Variants in NSD2 observed in about 807,000 individuals in gnomAD.
The protein encoded by NSD2 is histone-lysine N-methyltransferase NSD2.
A neutral mutation model predicts 139.0 loss-of-function variants in NSD2; 12 were observed. That is an observed-to-expected ratio of 0.09 (90% CI 0.06 to 0.14). The LOEUF is 0.14. NSD2 is among the 10% of genes least tolerant of loss of function. The pLI, the probability that NSD2 is intolerant of heterozygous loss-of-function variation, is 1.00. For missense variants in NSD2, 1,155 were observed against 1,745.0 expected, an observed-to-expected ratio of 0.66 and a Z score of 6.02; for synonymous variants, 669 against 648.7, an observed-to-expected ratio of 1.03 and a Z score of -0.48.
chr4:1,951,744 A>G (rs1156782832), intron 10 of NSD2, among the ~76,000 whole-genome samples: 3 of 151,526 alleles, frequency 2.0e-5, no homozygotes, highest in African/African-American at 7.3e-5. Context: ...ATGCATGGGA[A>G]GTGTGAATAC....
chr4:1,908,687 A>C (rs1317013697), intron 3 of NSD2, among the ~76,000 whole-genome samples: 2 of 152,190 alleles, frequency 1.3e-5, no homozygotes, highest in Non-Finnish European at 2.9e-5. Flanking sequence ...GATGACCACC[A>C]GAGCTCTCTG....
chr4:1,933,582 G>T (rs1437770401), intron 6 of NSD2, among the ~76,000 whole-genome samples: 1 of 151,744 alleles, frequency 6.6e-6, no homozygotes, highest in Admixed American at 6.6e-5. Context: ...TTTTAGTAGA[G>T]ACGGGGTTTC....
chr4:1,960,890 A>G (rs1725297576), intron 17 of NSD2, 145 bp from the exon 18 acceptor site: 6 of 587,648 alleles, frequency 1.0e-5, no homozygotes, highest in African/African-American at 1.8e-5. Context: ...AATTTAATTT[A>G]TGGAGACTTT....
intron 9 of NSD2, among the ~76,000 whole-genome samples, chr4:1,950,627 A>G (rs559665497): frequency 1.3e-5 from 2 of 152,338 alleles, no homozygotes; most frequent in South Asian, 2.1e-4. Flanking sequence ...TGAGGCTGAC[A>G]CTTACTTCAT....
intron 3 of NSD2, among the ~76,000 whole-genome samples, chr4:1,915,872 C>G (rs1010854717): frequency 1.3e-5 from 2 of 152,172 alleles, no homozygotes; most frequent in African/African-American, 4.8e-5. Flanking sequence ...CACCCTGTGC[C>G]AGGGAGATCC....
intron 18 of NSD2, among the ~76,000 whole-genome samples, chr4:1,966,599 G>A (rs1278927420): frequency 6.6e-6 from 1 of 151,194 alleles, no homozygotes; most frequent in African/African-American, 2.4e-5. Context: ...GGAACTTGCA[G>A]TGAGCCAAGA....
At chr4:1,938,401 C>CT (rs372125946) in intron 7 of NSD2, 50 bp from the exon 8 acceptor site, 9,392 of 861,126 alleles carry the variant, frequency 0.011, 4 homozygotes, top group African/African-American at 0.019. Context: ...TTTTTCTTTT[C>CT]TTTTTTTTTT....
chr4:1,918,530 T>A lies in NSD2; in HGVS notation c.1317T>A (p.Pro439=), dbSNP rs530429234. The A allele has an allele frequency of 1.2e-6, 2 of 1,613,890 alleles. No individual in the cohort carries two copies. The highest frequency in any genetic ancestry group is 3.3e-5 in the Admixed American group (2 of 59,984). The change falls in exon 5 of 22, where the codon CCT becomes CCA. Residue 439 remains proline (P), a synonymous_variant. Transcript: ENST00000508803. ...ADPRRGVGSP[P]GRKKTTVSMP... is the part of the protein sequence containing the mutation. ...CCAGAAGAGGAGTAGGGTCTCCTCC[T>A]GGGAGGAAGAAGACCACAGTCTCCA...
chr4:1,945,248 A>G (rs1723498720), intron 9 of NSD2: 1 of 1,066,754 alleles, frequency 9.4e-7, no homozygotes, highest in Non-Finnish European at 1.1e-6. Context: ...GGAGATGGGC[A>G]TTTGGAGAGT....
At chr4:1,874,705 A>G (rs1466666218) in intron 1 of NSD2, among the ~76,000 whole-genome samples, 1 of 152,216 alleles carries the variant, frequency 6.6e-6, no homozygotes, top group East Asian at 1.9e-4. Flanking sequence ...ACAGATCTGT[A>G]CTACCACCAA....
Position 1,952,103 on chromosome 4 carries a change from C to A in NSD2, c.2014-5C>A. ...GCTGCTTACCCGCCTGCTCTGCCCC[C>A]GCAGCTGTGTGAGAAGCCGGGCAGC... On this transcript the variant is annotated splice_polypyrimidine_tract_variant and splice_region_variant and intron_variant, in intron 10 of 21. Transcript: ENST00000508803. 6.2e-7 allele frequency: 1 copy of A among 1,613,772 alleles called. No individual in the cohort carries two copies. Among genetic ancestry groups the A allele is most frequent in the Non-Finnish European group, 8.5e-7 (1 of 1,179,840 alleles).
intron 18 of NSD2, among the ~76,000 whole-genome samples, chr4:1,967,395 T>C (rs945943657): frequency 2.0e-5 from 3 of 152,138 alleles, no homozygotes; most frequent in Middle Eastern, 3.4e-3. Flanking sequence ...CTGGCCAATA[T>C]GGTGAAACCC....
intron 1 of NSD2, among the ~76,000 whole-genome samples, chr4:1,891,740 C>T (rs867645322): frequency 6.6e-5 from 10 of 151,612 alleles, no homozygotes; most frequent in African/African-American, 1.9e-4. Flanking sequence ...ACCTGTAGTT[C>T]CAGCTACTCG....
chr4:1,874,895 T>TG (rs1372187834), intron 1 of NSD2, among the ~76,000 whole-genome samples: 2 of 152,208 alleles, frequency 1.3e-5, no homozygotes. Flanking sequence ...GCGAGTACTT[T>TG]GGGGGAGAAA....
At chr4:1,944,463 C>T (rs981898399) in intron 9 of NSD2, 22 of 1,065,236 alleles carry the variant, frequency 2.1e-5, no homozygotes, top group Non-Finnish European at 2.2e-5. Flanking sequence ...GTTTGTCATA[C>T]ATGGAACCAT....
intron 7 of NSD2, 102 bp downstream of exon 7, chr4:1,935,364 A>C: frequency 1.2e-6 from 1 of 823,956 alleles, no homozygotes; most frequent in East Asian, 2.6e-5. Context: ...TGCAGGTGTC[A>C]GTGCACCCAG....
chr4:1,875,280 CTTTTTT>C (rs749123768), intron 1 of NSD2, among the ~76,000 whole-genome samples: 1 of 126,622 alleles, frequency 7.9e-6, no homozygotes. Context: ...TAGCTTTTTA[CTTTTTT>C]TTTTTTTTTT....
chr4:1,878,488 A>G (rs900824299), intron 1 of NSD2, among the ~76,000 whole-genome samples: 8 of 151,562 alleles, frequency 5.3e-5, no homozygotes, highest in African/African-American at 1.9e-4. Flanking sequence ...CATACCTCCA[A>G]CATTCCATGT....
intron 9 of NSD2, chr4:1,943,340 T>C: frequency 2.9e-6 from 3 of 1,042,688 alleles, no homozygotes; most frequent in Non-Finnish European, 3.5e-6. Context: ...CATTAAGTAA[T>C]GTAACGCATG....
Sources: gnomAD v4.1 joint callset for allele counts (sites outside exome capture counted in the v4.1 genomes callset) on GRCh38, gnomAD v4.1.1 for gene constraint, MANE v1.5 for transcripts, NCBI Gene and HGNC (gene_info 2026-07-23, HGNC 2026-07-21) for gene names.